The following WDFY2 variants were observed in gnomAD, a reference collection of about 807,000 sequenced individuals.
WDFY2 encodes WD repeat and FYVE domain containing 2.
Under a neutral mutation model 56.4 loss-of-function variants are expected in WDFY2, and 36 were observed. The observed-to-expected ratio is 0.64, with a 90% confidence interval of 0.49 to 0.84. The LOEUF is 0.84. Ranked by LOEUF, WDFY2 falls within the 40% of genes least tolerant of loss-of-function variation. The pLI, the probability that WDFY2 is intolerant of heterozygous loss-of-function variation, is 0.00. For synonymous variants in WDFY2, 176 were observed against 183.7 expected (o/e 0.96, Z 0.34); for missense variants, 444 against 512.2 (o/e 0.87, Z 1.29).
chr13:51,719,105 TGG>T, intron 4 of WDFY2, 91 bp from the exon 5 acceptor site: 2 of 1,544,574 alleles, frequency 1.3e-6, no homozygotes, highest in Non-Finnish European at 8.9e-7. Context: ...TATTCTGGGG[TGG>T]GGAGAAGAGA....
chr13:51,615,457 G>A (rs1465066766), intron 1 of WDFY2, among the ~76,000 whole-genome samples: 1 of 151,994 alleles, frequency 6.6e-6, no homozygotes, highest in Non-Finnish European at 1.5e-5. Flanking sequence ...CATATATTTT[G>A]ATAGTACTGT....
At chr13:51,593,196 G>A (rs1954084069) in intron 1 of WDFY2, among the ~76,000 whole-genome samples, 1 of 151,968 alleles carries the variant, frequency 6.6e-6, no homozygotes, top group Non-Finnish European at 1.5e-5. Context: ...CTTTCCTTCT[G>A]TATTCACTCA....
intron 3 of WDFY2, among the ~76,000 whole-genome samples, chr13:51,699,189 A>G (rs1431338114): frequency 6.6e-6 from 1 of 152,224 alleles, no homozygotes; most frequent in Non-Finnish European, 1.5e-5. Flanking sequence ...GCTAGGTGGT[A>G]CAACTTTCTA....
intron 4 of WDFY2, among the ~76,000 whole-genome samples, chr13:51,713,117 C>A (rs920053193): frequency 2.0e-5 from 3 of 152,080 alleles, no homozygotes; most frequent in Admixed American, 2.0e-4. Context: ...ACTTTCCAGC[C>A]CATTCTATTA....
At chr13:51,682,693 A>T (rs140642596) in intron 3 of WDFY2, among the ~76,000 whole-genome samples, 1 of 152,130 alleles carries the variant, frequency 6.6e-6, no homozygotes, top group African/African-American at 2.4e-5. Flanking sequence ...GGACTATCTG[A>T]TATATACATG....
intron 5 of WDFY2, among the ~76,000 whole-genome samples, chr13:51,725,077 A>G (rs1359719614): frequency 6.6e-6 from 1 of 152,256 alleles, no homozygotes; most frequent in East Asian, 1.9e-4. Context: ...ATAAGTTCAT[A>G]TAATATTTCT....
chr13:51,642,629 G>T (rs932283825), intron 1 of WDFY2, among the ~76,000 whole-genome samples: 13 of 148,004 alleles, frequency 8.8e-5, no homozygotes, highest in African/African-American at 2.7e-4. Context: ...TTCTCAACCA[G>T]AATAACTTTT....
At chr13:51,709,654 C>G (rs1952165270) in intron 4 of WDFY2, among the ~76,000 whole-genome samples, 1 of 152,194 alleles carries the variant, frequency 6.6e-6, no homozygotes, top group Admixed American at 6.5e-5. Flanking sequence ...ATACTATCAA[C>G]ACCTCTATGC....
intron 6 of WDFY2, among the ~76,000 whole-genome samples, chr13:51,729,365 A>G (rs984098659): frequency 6.6e-6 from 1 of 151,016 alleles, no homozygotes. Context: ...CCCCATCGCC[A>G]TCTCATTCCT....
intron 1 of WDFY2, among the ~76,000 whole-genome samples, chr13:51,612,153 G>GATC (rs1257132783): frequency 1.3e-5 from 2 of 152,044 alleles, no homozygotes; most frequent in Non-Finnish European, 2.9e-5. Context: ...TACATGGAAT[G>GATC]ATCATCATTA....
At chr13:51,591,704 A>T (rs1954047256) in intron 1 of WDFY2, 1 of 152,194 alleles carries the variant, frequency 6.6e-6, no homozygotes, top group South Asian at 2.1e-4. Flanking sequence ...CCACTAAAGG[A>T]TTGTGAACAA....
intron 4 of WDFY2, among the ~76,000 whole-genome samples, chr13:51,708,335 A>G (rs1295583550): frequency 1.3e-5 from 2 of 151,810 alleles, no homozygotes; most frequent in Non-Finnish European, 2.9e-5. Context: ...CTAAAAAAAA[A>G]AAAAAAATAC....
At chr13:51,737,123 C>A (rs751889532) in intron 6 of WDFY2, among the ~76,000 whole-genome samples, 6 of 152,254 alleles carry the variant, frequency 3.9e-5, no homozygotes, top group South Asian at 4.1e-4. Flanking sequence ...GTGAGACCAT[C>A]TCAGAGATTG....
intron 1 of WDFY2, among the ~76,000 whole-genome samples, chr13:51,606,354 T>C (rs1267767333): frequency 6.6e-6 from 1 of 152,246 alleles, no homozygotes; most frequent in African/African-American, 2.4e-5. Flanking sequence ...AGAATTTATC[T>C]AACTCTTTGT....
chr13:51,690,286 C>T (rs950142223), intron 3 of WDFY2, among the ~76,000 whole-genome samples: 4 of 151,180 alleles, frequency 2.6e-5, no homozygotes, highest in African/African-American at 9.7e-5. Flanking sequence ...TGCTGGTGCG[C>T]TGCATCCACT....
intron 6 of WDFY2, among the ~76,000 whole-genome samples, chr13:51,729,912 A>G (rs565504870): frequency 2.0e-5 from 3 of 152,292 alleles, no homozygotes; most frequent in African/African-American, 7.2e-5. Context: ...TGCAGTCATC[A>G]CCATCCATCA....
intron 6 of WDFY2, among the ~76,000 whole-genome samples, chr13:51,728,830 A>T (rs1366391753): frequency 6.6e-6 from 1 of 152,030 alleles, no homozygotes; most frequent in Non-Finnish European, 1.5e-5. Context: ...AGCCGCTTAC[A>T]CCCTCACCTA....
At chr13:51,716,053 G>A (rs559955591) in intron 4 of WDFY2, among the ~76,000 whole-genome samples, 23 of 152,178 alleles carry the variant, frequency 1.5e-4, no homozygotes, top group Non-Finnish European at 3.1e-4. Context: ...TAGCCATTTA[G>A]TAATGAAGTA....
At chr13:51,606,450 C>T (rs1273550352) in intron 1 of WDFY2, among the ~76,000 whole-genome samples, 1 of 152,046 alleles carries the variant, frequency 6.6e-6, no homozygotes, top group Non-Finnish European at 1.5e-5. Context: ...GCTTTTATAA[C>T]TAGGTATTTG....
Sources: allele counts gnomAD v4.1 joint callset (sites outside exome capture counted in the v4.1 genomes callset), GRCh38; gene constraint gnomAD v4.1.1; transcripts MANE v1.5; gene names NCBI Gene and HGNC (gene_info 2026-07-23, HGNC 2026-07-21).